GGA1: variants seen among roughly 807,000 people sequenced by gnomAD.
GGA1 encodes ADP-ribosylation factor-binding protein GGA1.
GGA1 carries 18 observed loss-of-function variants against 76.9 expected under a neutral mutation model. The observed-to-expected ratio is 0.23, with a 90% confidence interval of 0.16 to 0.35. The LOEUF is 0.35. Ranked by LOEUF, GGA1 falls within the 10% of genes least tolerant of loss-of-function variation. The pLI, the probability that GGA1 is intolerant of heterozygous loss-of-function variation, is 1.00. For synonymous variants in GGA1, 342 were observed against 354.7 expected (o/e 0.96, Z 0.40); for missense variants, 755 against 859.0 (o/e 0.88, Z 1.51).
chr22:37,609,234 C>G (rs1179000777), intron 1 of GGA1: 1 of 1,204,338 alleles, frequency 8.3e-7, no homozygotes, highest in East Asian at 6.2e-5. Flanking sequence ...GGAGTAGCGG[C>G]CCGGGGAAGG....
At chr22:37,630,791 C>A (rs1601561636) in intron 13 of GGA1, 112 bp from the exon 14 acceptor site, 1 of 728,926 alleles carries the variant, frequency 1.4e-6, no homozygotes, top group Non-Finnish European at 2.3e-6. Flanking sequence ...TGGTCTCAAA[C>A]TCCTGAGCTC....
In GGA1 at chr22:37,632,402, C is replaced by T; in HGVS notation, c.1699-3C>T. The T allele has an allele frequency of 6.2e-7, 1 of 1,600,956 alleles. No individual in the cohort carries two copies. The highest frequency in any genetic ancestry group is 8.6e-7 in the Non-Finnish European group (1 of 1,168,160). ...CTGTGCCCATCCTGCCATCTGCCCA[C>T]AGGTTATGAAGGTGAAGCTGCAGCC... On this transcript the variant is annotated splice_region_variant and splice_polypyrimidine_tract_variant and intron_variant, in intron 15 of 16. Transcript: ENST00000343632. This position sits in a 1 kb window ranked among gnomAD's most constrained non-coding sequence, Gnocchi z 5.1.
intron 1 of GGA1, among the ~76,000 whole-genome samples, chr22:37,609,700 G>T (rs1369722710): frequency 6.6e-6 from 1 of 152,082 alleles, no homozygotes; most frequent in African/African-American, 2.4e-5. Flanking sequence ...CCACAGCCCT[G>T]ATGATCCCCT....
chr22:37,633,401 G>A lies in GGA1; in HGVS notation c.*690G>A, dbSNP rs1932142958. The A allele has an allele frequency of 6.6e-6, 1 of 151,990 alleles. No homozygotes were observed. Among genetic ancestry groups the A allele is most frequent in the African/African-American group, 2.4e-5 (1 of 41,344 alleles). 9.4% of individuals were successfully genotyped at this position (151,990 alleles called of 1,614,324 possible). On this transcript the variant is annotated 3_prime_UTR_variant, in exon 17 of 17. Transcript: ENST00000343632. ...CCCATGGCCCCAGCGAGGGGCTGTG[G>A]GGCACCTAGAGTTCTCGGTGTGTCT...
In GGA1 at chr22:37,632,489, G is replaced by C; in HGVS notation, c.1783G>C (p.Val595Leu). ...PIVHPSAITQVLLLANPQKEK... is the reference protein window; with the variant it reads ...PIVHPSAITQLLLLANPQKEK... ...CGTCCACCCCTCAGCAATCACCCAG[G>C]TCCTGCTGCTTGCCAACCCCCAGAA... The change falls in exon 16 of 17, where the codon GTC becomes CTC. Residue 595 changes from valine to leucine, a missense_variant. Transcript: ENST00000343632. The surrounding 1 kb of genome is among the most constrained non-coding windows in gnomAD (Gnocchi z 5.1). 1 of 1,613,608 alleles carries C rather than the reference G, an allele frequency of 6.2e-7. No individual in the cohort carries two copies. The highest frequency in any genetic ancestry group is 2.2e-5 in the East Asian group (1 of 44,878).
At chr22:37,613,442 C>CCAGGCTGGAGGG (rs1174613642) in intron 1 of GGA1, among the ~76,000 whole-genome samples, 51 of 152,122 alleles carry the variant, frequency 3.4e-4, no homozygotes, top group Non-Finnish European at 6.3e-4. Context: ...GCTCTGTCAC[C>CCAGGCTGGAGGG]CAGGCTGGAG....
chr22:37,613,199 T>C, intron 1 of GGA1: 1 of 977,438 alleles, frequency 1.0e-6, no homozygotes, highest in Non-Finnish European at 1.2e-6. Context: ...ATGGTAAGAC[T>C]CACACTCCTT....
At chr22:37,612,262 A>G (rs1297373496) in intron 1 of GGA1, among the ~76,000 whole-genome samples, 1 of 151,642 alleles carries the variant, frequency 6.6e-6, no homozygotes, top group Non-Finnish European at 1.5e-5. Context: ...TAGGAGATCA[A>G]GACCATCCTG....
Position 37,632,040 on chromosome 22 carries a change from A to C in GGA1, c.1573A>C (p.Ile525Leu). Reference sequence around the variant, plus strand: ...TGTGTATGACCAGCACGGCTTCCGCATCCTCTTCCATTTTGCCCGGGACCC... The same window carrying C: ...TGTGTATGACCAGCACGGCTTCCGCCTCCTCTTCCATTTTGCCCGGGACCC... ...VTVYDQHGFRILFHFARDPLP... is the reference protein window; with the variant it reads ...VTVYDQHGFRLLFHFARDPLP... Residue 525 changes from isoleucine (I) to leucine (L), a missense_variant, in exon 15 of 17, where the codon ATC becomes CTC. Physicochemically the swap from Ile to Leu is conservative, Grantham distance 5 (BLOSUM62 2). Coordinates refer to ENST00000343632, the MANE Select transcript of GGA1 (RefSeq NM_013365.5). The surrounding 1 kb of genome is among the most constrained non-coding windows in gnomAD (Gnocchi z 5.1). The C allele has an allele frequency of 6.2e-7, 1 of 1,613,414 alleles. No homozygotes were observed. The highest frequency in any genetic ancestry group is 1.1e-5 in the South Asian group (1 of 91,076).
chr22:37,609,119 T>A, intron 1 of GGA1: 1 of 1,480,516 alleles, frequency 6.8e-7, no homozygotes, highest in Non-Finnish European at 9.0e-7. Flanking sequence ...GCCGCCCACC[T>A]GTCGGATCCC....
chr22:37,630,388 C>T (rs1931590394), intron 13 of GGA1: 10 of 540,804 alleles, frequency 1.8e-5, no homozygotes, highest in South Asian at 2.4e-5. Flanking sequence ...GTGTTCCCAG[C>T]TCCCTTGAGA....
At chr22:37,619,258 G>C (rs558009791) in intron 4 of GGA1, among the ~76,000 whole-genome samples, 4 of 151,838 alleles carry the variant, frequency 2.6e-5, no homozygotes, top group Non-Finnish European at 4.4e-5. Context: ...GTAGAGATGG[G>C]GTTTCACCAT....
At position 37,608,852 on chromosome 22, in the gene GGA1, C is replaced by A; in HGVS notation, c.-9C>A. On this transcript the variant is annotated 5_prime_UTR_variant, in exon 1 of 17. Transcript: ENST00000343632. ...GGGGGGCGGTGCCGAGGCTGGGGGCCGGTGGCGGATGGAGCCCGCGATGGA... is the reference window on the plus strand; with the variant it reads ...GGGGGGCGGTGCCGAGGCTGGGGGCAGGTGGCGGATGGAGCCCGCGATGGA... 1 of 1,307,326 alleles carries A rather than the reference C, an allele frequency of 7.6e-7. No individual in the cohort carries two copies. 81.0% of individuals were successfully genotyped at this position (1,307,326 alleles called of 1,614,324 possible).
At position 37,632,142 on chromosome 22, in the gene GGA1, G is replaced by A. The variant is rs771461283; in HGVS notation, c.1675G>A (p.Val559Met). 1.0e-4 allele frequency: 161 copies of A among 1,612,920 alleles called. No individual in the cohort carries two copies. Among genetic ancestry groups the A allele is most frequent in the Non-Finnish European group, 1.2e-4 (146 of 1,179,448 alleles). Residue 559 changes from valine to methionine, a missense_variant, in exon 15 of 17, where the codon GTG becomes ATG. Val to Met is a conservative substitution (Grantham distance 21, BLOSUM62 1). Transcript: ENST00000343632. The surrounding 1 kb of genome is among the most constrained non-coding windows in gnomAD (Gnocchi z 5.1). ...CGCCCCCCAGCCCATCCGCAACATC[G>A]TGTTCCAGTCAGCTGTCCCCAAGGT... ...STAPQPIRNI[V>M]FQSAVPKVMK...
At chr22:37,615,394 A>G (rs1375189885) in intron 2 of GGA1, among the ~76,000 whole-genome samples, 1 of 151,928 alleles carries the variant, frequency 6.6e-6, no homozygotes, top group Non-Finnish European at 1.5e-5. Flanking sequence ...AGTTGCAGTG[A>G]GCCAAGATCG....
At chr22:37,615,170 G>C (rs1928526813) in intron 2 of GGA1, among the ~76,000 whole-genome samples, 1 of 152,078 alleles carries the variant, frequency 6.6e-6, no homozygotes, top group Non-Finnish European at 1.5e-5. Flanking sequence ...AATAGGCCAG[G>C]CATGGTGGCT....
chr22:37,618,355 C>T (rs1929206841), intron 3 of GGA1, 93 bp from the exon 4 acceptor site: 2 of 706,112 alleles, frequency 2.8e-6, no homozygotes, highest in Non-Finnish European at 5.1e-6. Flanking sequence ...GAAAGCCCAC[C>T]CATGGGCTTC....
intron 3 of GGA1, chr22:37,618,064 G>C (rs977339547): frequency 3.2e-5 from 5 of 156,910 alleles, no homozygotes; most frequent in African/African-American, 1.2e-4. Context: ...AGAGGTTACA[G>C]TGAGCCGAGA....
rs916788941 is a variant in GGA1, at chr22:37,608,864, G to A, written c.4G>A (p.Glu2Lys). MEPAMEPETLEA... is the reference protein window; with the variant it reads MKPAMEPETLEA... ...CGAGGCTGGGGGCCGGTGGCGGATG[G>A]AGCCCGCGATGGAGCCGGAGACTCT... Residue 2 changes from glutamate to lysine, a missense_variant, in exon 1 of 17, where the codon GAG becomes AAG. Physicochemically the swap from Glu to Lys is moderately conservative, Grantham distance 56 (BLOSUM62 1). Transcript: ENST00000343632. 11 of 1,306,630 alleles carry A rather than the reference G, an allele frequency of 8.4e-6. No homozygotes were observed. The African/African-American group carries it at 1.4e-4, about 17-fold the overall frequency. The allele number at this position is 1,306,630 out of a possible 1,614,324, so 80.9% of individuals were successfully genotyped here. A position where few individuals can be genotyped will look rare whatever the true frequency, so the allele number is the denominator to read the frequency against.
Sources: allele counts gnomAD v4.1 joint callset (sites outside exome capture counted in the v4.1 genomes callset), GRCh38; gene constraint gnomAD v4.1.1; non-coding constraint Gnocchi (gnomAD v3.1); transcripts MANE v1.5; gene names NCBI Gene and HGNC (gene_info 2026-07-23, HGNC 2026-07-21).